The following DST variants were observed in gnomAD, a reference collection of about 807,000 sequenced individuals.
DST encodes bullous pemphigoid antigen.
DST carries 253 observed loss-of-function variants against 875.2 expected under a neutral mutation model. The ratio of observed to expected loss-of-function variants is 0.29; its 90% CI spans 0.26 to 0.32. The LOEUF (loss-of-function observed/expected upper bound fraction) is 0.32, where lower values mean the gene tolerates loss of function less well. DST is among the 10% of genes least tolerant of loss of function. The probability of loss-of-function intolerance (pLI) is 1.00; values close to 1 mark genes in which losing one functional copy is unlikely to be tolerated. For missense variants in DST, 8,287 were observed against 9,111.6 expected (o/e 0.91, Z 3.68); for synonymous variants, 3,124 against 3,197.1 (o/e 0.98, Z 0.77).
At chr6:56,880,223 T>C (rs1054007066) in intron 3 of DST, among the ~76,000 whole-genome samples, 1 of 152,206 alleles carries the variant, frequency 6.6e-6, no homozygotes, top group African/African-American at 2.4e-5. Context: ...AGATTCATTA[T>C]TAAAAATATA....
In DST at chr6:56,496,081, A is replaced by G. The variant is rs572173025; in HGVS notation, c.20223+1298T>C. ...ACTTTTATCTCCCAAGATAATAATCATCAGTATTTGAATATTTTAAAAAAT... is the reference window on the plus strand; with the variant it reads ...ACTTTTATCTCCCAAGATAATAATCGTCAGTATTTGAATATTTTAAAAAAT... On this transcript the variant is annotated intron_variant, in intron 82 of 103. Transcript: ENST00000680361. Among the ~76,000 whole-genome samples, 4 of 152,326 alleles carry G rather than the reference A, an allele frequency of 2.6e-5. No homozygotes were observed. The South Asian group carries it at 8.3e-4, about 32-fold the overall frequency.
chr6:56,828,637 A>G (rs1339098658), intron 4 of DST, among the ~76,000 whole-genome samples: 2 of 152,214 alleles, frequency 1.3e-5, no homozygotes, highest in Non-Finnish European at 2.9e-5. Context: ...AATAATCAGG[A>G]GACCTTAGTT....
At chr6:56,888,328 C>G (rs1785638508) in intron 3 of DST, among the ~76,000 whole-genome samples, 1 of 152,142 alleles carries the variant, frequency 6.6e-6, no homozygotes, top group African/African-American at 2.4e-5. Flanking sequence ...AGACTCAGTA[C>G]ATTGAATGGG....
At chr6:56,621,400 T>G (rs1052926407) in intron 36 of DST, among the ~76,000 whole-genome samples, 2 of 152,360 alleles carry the variant, frequency 1.3e-5, no homozygotes, top group Admixed American at 1.3e-4. Flanking sequence ...TCAGAATTGC[T>G]AATGCAAAGG....
chr6:56,933,750 G>T (rs916576128), intron 2 of DST, among the ~76,000 whole-genome samples: 3 of 152,150 alleles, frequency 2.0e-5, no homozygotes, highest in Non-Finnish European at 4.4e-5. Context: ...TTTAAGGTGT[G>T]CATTAGAGGT....
chr6:56,665,007 C>T (rs2099065144), intron 10 of DST, among the ~76,000 whole-genome samples: 1 of 152,210 alleles, frequency 6.6e-6, no homozygotes, highest in Non-Finnish European at 1.5e-5. Context: ...GCAATCTCTT[C>T]CACTAAATCA....
intron 36 of DST, chr6:56,618,240 G>T (rs1586790364): frequency 6.2e-7 from 1 of 1,614,128 alleles, no homozygotes; most frequent in Non-Finnish European, 8.5e-7. Context: ...TTGGGTATCT[G>T]TTCAACAACC....
chr6:56,475,957 A>G (rs184350143), intron 92 of DST, among the ~76,000 whole-genome samples, 192 bp downstream of exon 92: 185 of 152,328 alleles, frequency 1.2e-3, no homozygotes, highest in Non-Finnish European at 2.4e-3. Context: ...AAGTTTTGCA[A>G]AGGTCACAGA....
chr6:56,485,233 G>T, intron 88 of DST, 79 bp downstream of exon 88: 2 of 1,490,194 alleles, frequency 1.3e-6, no homozygotes, highest in Non-Finnish European at 1.9e-6. Flanking sequence ...ATTTTAAAAG[G>T]CTAATTTAAA....
chr6:56,508,098 G>T (rs529387429), intron 75 of DST, among the ~76,000 whole-genome samples: 1 of 152,122 alleles, frequency 6.6e-6, no homozygotes, highest in East Asian at 1.9e-4. Flanking sequence ...ATAGTGGCAC[G>T]ATCTTGGCTG....
chr6:56,886,368 A>G (rs554457098), intron 3 of DST, among the ~76,000 whole-genome samples: 1 of 152,364 alleles, frequency 6.6e-6, no homozygotes, highest in South Asian at 2.1e-4. Context: ...AACTGGATCA[A>G]TAATATATGC....
chr6:56,692,282 A>G (rs1370033151), intron 9 of DST: 5 of 543,202 alleles, frequency 9.2e-6, no homozygotes, highest in Non-Finnish European at 1.4e-5. Flanking sequence ...TGGCTTTTAC[A>G]TACACTAATA....
At chr6:56,558,061 T>C (rs2097457738) in intron 58 of DST, among the ~76,000 whole-genome samples, 1 of 152,176 alleles carries the variant, frequency 6.6e-6, no homozygotes, top group Admixed American at 6.5e-5. Context: ...GGTGGACTTT[T>C]AAGACTTTTA....
intron 4 of DST, among the ~76,000 whole-genome samples, chr6:56,804,524 A>G (rs1268138261): frequency 2.0e-5 from 3 of 152,174 alleles, no homozygotes; most frequent in Admixed American, 1.3e-4. Flanking sequence ...TCTTTTGACA[A>G]TTAAAATCTG....
At chr6:56,579,033 G>A in intron 49 of DST, 96 bp from the exon 50 acceptor site, 1 of 1,137,626 alleles carries the variant, frequency 8.8e-7, no homozygotes, top group Non-Finnish European at 1.2e-6. Context: ...AAGTAAAATT[G>A]GACAGAATAA....
intron 9 of DST, chr6:56,693,457 T>C (rs1414713732): frequency 1.4e-5 from 13 of 931,292 alleles, no homozygotes; most frequent in Non-Finnish European, 1.7e-5. Flanking sequence ...AGGCAAACCC[T>C]TAGCTTCACT....
At chr6:56,492,822 A>G in intron 84 of DST, 112 bp downstream of exon 84, 1 of 955,016 alleles carries the variant, frequency 1.0e-6, no homozygotes. Context: ...AAGTAAGCCA[A>G]GATCACACCA....
At position 56,619,127 on chromosome 6, in the gene DST, G is replaced by T. The variant is rs1053689304; in HGVS notation, c.4930-4643C>A. ...TCTTTGAAAATCCTGCTCTGTTTTT[G>T]TCTGTTTATGCAAGTGTTCATTTGT... On this transcript the variant is annotated intron_variant, in intron 36 of 103. Coordinates refer to ENST00000680361, the MANE Select transcript of DST (RefSeq NM_001374736.1). 1 of 1,613,230 alleles carries T rather than the reference G, an allele frequency of 6.2e-7. No homozygotes were observed. Among genetic ancestry groups the T allele is most frequent in the Admixed American group, 1.7e-5 (1 of 59,860 alleles).
intron 2 of DST, among the ~76,000 whole-genome samples, chr6:56,921,705 G>A (rs34259328): frequency 0.16 from 24,544 of 152,002 alleles, 2,173 homozygotes; most frequent in Middle Eastern, 0.24. Flanking sequence ...TAATTGATAC[G>A]TAAATACATA....
Sources: gnomAD v4.1 joint callset for allele counts (sites outside exome capture counted in the v4.1 genomes callset) on GRCh38, gnomAD v4.1.1 for gene constraint, MANE v1.5 for transcripts, NCBI Gene and HGNC (gene_info 2026-07-23, HGNC 2026-07-21) for gene names.